The following CRPPA variants were observed in gnomAD, a reference collection of about 807,000 sequenced individuals.
CRPPA encodes the protein CDP-L-ribitol pyrophosphorylase A.
A neutral mutation model predicts 52.0 loss-of-function variants in CRPPA; 43 were observed. That is an observed-to-expected ratio of 0.83 (90% CI 0.65 to 1.07). The LOEUF (loss-of-function observed/expected upper bound fraction) is 1.07, where lower values mean the gene tolerates loss of function less well. Among genes scored for constraint, CRPPA ranks in the 50% least tolerant of loss-of-function variants. CRPPA has a pLI of 0.00. For missense variants in CRPPA, 629 were observed against 551.7 expected, an observed-to-expected ratio of 1.14 and a Z score of -1.40; for synonymous variants, 250 against 203.5, an observed-to-expected ratio of 1.23 and a Z score of -1.94.
chr7:16,111,408 T>A (rs979606911), intron 9 of CRPPA, among the ~76,000 whole-genome samples: 11 of 152,172 alleles, frequency 7.2e-5, no homozygotes, highest in Non-Finnish European at 1.6e-4. Flanking sequence ...AATTCTGAAA[T>A]CCCACTTCTG....
chr7:16,221,946 G>A (rs1782521623), intron 8 of CRPPA, among the ~76,000 whole-genome samples: 1 of 151,990 alleles, frequency 6.6e-6, no homozygotes, highest in Non-Finnish European at 1.5e-5. Flanking sequence ...CCATTACTGG[G>A]TACATACCCA....
In CRPPA at chr7:16,103,489, G is replaced by T. The variant is rs117530958; in HGVS notation, c.1252-11690C>A. On this transcript the variant is annotated intron_variant, in intron 9 of 9. Transcript: ENST00000407010. ...GAAATATCAAAGGTTTTAGATGAAG[G>T]CTACATTGTCATGAAAATAACACCA... Among the ~76,000 whole-genome samples, 57 of 152,144 alleles carry T rather than the reference G, an allele frequency of 3.7e-4. No individual in the cohort carries two copies. In the East Asian group the frequency reaches 0.01, roughly 27 times the overall value.
At chr7:16,283,046 G>A (rs1024682757) in intron 5 of CRPPA, among the ~76,000 whole-genome samples, 2 of 151,856 alleles carry the variant, frequency 1.3e-5, no homozygotes, top group Admixed American at 6.6e-5. Context: ...CATCAAACAA[G>A]ATACTAGCCT....
At chr7:16,384,034 T>G (rs955206551) in intron 2 of CRPPA, among the ~76,000 whole-genome samples, 1 of 152,058 alleles carries the variant, frequency 6.6e-6, no homozygotes, top group African/African-American at 2.4e-5. Flanking sequence ...CACTCCCTAG[T>G]GAGATGAACC....
intron 9 of CRPPA, among the ~76,000 whole-genome samples, chr7:16,102,846 C>T (rs1782075459): frequency 6.6e-6 from 1 of 152,176 alleles, no homozygotes; most frequent in Non-Finnish European, 1.5e-5. Flanking sequence ...AACACTTTTA[C>T]ACTGTTGATG....
rs112691695 is a variant in CRPPA at position 16,147,155 on chromosome 7, G to A, written c.1252-55356C>T. ...TTGCTCTTCCTTTGCCTTCCACTATGATTGTGAGGCCTCCCCAGCCCTGCA... is the reference window on the plus strand; with the variant it reads ...TTGCTCTTCCTTTGCCTTCCACTATAATTGTGAGGCCTCCCCAGCCCTGCA... On this transcript the variant is annotated intron_variant, in intron 9 of 9. Transcript: ENST00000407010. Among the ~76,000 whole-genome samples the A allele has an allele frequency of 3.0e-3, 447 of 151,382 alleles. 2 individuals are homozygous for A. The highest frequency in any genetic ancestry group is 0.011 in the African/African-American group (435 of 40,754).
chr7:16,317,107 T>A (rs984723201), intron 3 of CRPPA, among the ~76,000 whole-genome samples: 2 of 152,136 alleles, frequency 1.3e-5, no homozygotes, highest in African/African-American at 4.8e-5. Flanking sequence ...ACATGCATTC[T>A]CATGAATATG....
intron 6 of CRPPA, among the ~76,000 whole-genome samples, chr7:16,265,244 C>G (rs1396426125): frequency 1.3e-5 from 2 of 152,164 alleles, no homozygotes; most frequent in Non-Finnish European, 2.9e-5. Context: ...TAAACCCTAG[C>G]TAGCTGGTCA....
intron 9 of CRPPA, among the ~76,000 whole-genome samples, chr7:16,109,381 G>C (rs1782216217): frequency 6.6e-6 from 1 of 151,718 alleles, no homozygotes; most frequent in Non-Finnish European, 1.5e-5. Flanking sequence ...AATAAGAAAA[G>C]ACCAATAACA....
chr7:16,111,945 G>T (rs1782273099), intron 9 of CRPPA, among the ~76,000 whole-genome samples: 1 of 152,150 alleles, frequency 6.6e-6, no homozygotes, highest in Non-Finnish European at 1.5e-5. Flanking sequence ...TACTTGAAGA[G>T]ATGTATATGT....
intron 2 of CRPPA, among the ~76,000 whole-genome samples, chr7:16,398,635 G>T (rs1230577384): frequency 6.6e-6 from 1 of 152,110 alleles, no homozygotes; most frequent in Non-Finnish European, 1.5e-5. Context: ...TGACTGACAC[G>T]TGACAAACAT....
chr7:16,136,074 C>G (rs1395880322), intron 9 of CRPPA, among the ~76,000 whole-genome samples: 1 of 152,062 alleles, frequency 6.6e-6, no homozygotes, highest in Non-Finnish European at 1.5e-5. Context: ...TTCTTAACAG[C>G]TTTTCAATTT....
chr7:16,308,973 C>T (rs191791255), intron 3 of CRPPA, among the ~76,000 whole-genome samples: 1 of 152,260 alleles, frequency 6.6e-6, no homozygotes, highest in East Asian at 1.9e-4. Flanking sequence ...GAAGGTATGG[C>T]TGAGGATTAT....
intron 9 of CRPPA, among the ~76,000 whole-genome samples, chr7:16,186,441 G>C (rs1781506204): frequency 6.6e-6 from 1 of 152,124 alleles, no homozygotes; most frequent in Admixed American, 6.6e-5. Flanking sequence ...ATCCAACCAT[G>C]CTGGCACCCT....
chr7:16,387,122 C>T (rs1276523492), intron 2 of CRPPA, among the ~76,000 whole-genome samples: 1 of 141,046 alleles, frequency 7.1e-6, no homozygotes, highest in East Asian at 2.0e-4. Context: ...CACACACACA[C>T]TTGCTCACTT....
chr7:16,357,610 C>T (rs35033321), intron 3 of CRPPA, among the ~76,000 whole-genome samples: 34,384 of 152,086 alleles, frequency 0.23, 4,280 homozygotes, highest in Non-Finnish European at 0.3. Flanking sequence ...AAGATAGTAG[C>T]TGTCTGCCTT....
chr7:16,384,367 G>A (rs1787199261), intron 2 of CRPPA, among the ~76,000 whole-genome samples: 1 of 152,184 alleles, frequency 6.6e-6, no homozygotes, highest in Non-Finnish European at 1.5e-5. Context: ...TAAACTGTAG[G>A]ACAGTCAGTT....
chr7:16,189,624 T>C (rs987029413), intron 9 of CRPPA, among the ~76,000 whole-genome samples: 2 of 152,140 alleles, frequency 1.3e-5, no homozygotes, highest in Non-Finnish European at 2.9e-5. Flanking sequence ...TAAATACAAC[T>C]GTTATAATTT....
At chr7:16,409,550 T>C (rs565436659) in intron 1 of CRPPA, among the ~76,000 whole-genome samples, 1 of 152,280 alleles carries the variant, frequency 6.6e-6, no homozygotes, top group African/African-American at 2.4e-5. Flanking sequence ...GTTTTAGAGA[T>C]AGTCTATTCT....
Sources: allele counts gnomAD v4.1 joint callset (sites outside exome capture counted in the v4.1 genomes callset), GRCh38; gene constraint gnomAD v4.1.1; transcripts MANE v1.5; gene names NCBI Gene and HGNC (gene_info 2026-07-23, HGNC 2026-07-21).